KCNT2: variants seen among roughly 807,000 people sequenced by gnomAD.
KCNT2 encodes the protein potassium channel subfamily T member 2.
A neutral mutation model predicts 153.8 loss-of-function variants in KCNT2; 67 were observed. That is an observed-to-expected ratio of 0.44 (90% CI 0.36 to 0.53). The LOEUF (loss-of-function observed/expected upper bound fraction) is 0.53. Ranked by LOEUF, KCNT2 falls within the 20% of genes least tolerant of loss-of-function variation. KCNT2 has a pLI of 0.00. For synonymous variants in KCNT2, 500 were observed against 458.8 expected (o/e 1.09, Z -1.15); for missense variants, 975 against 1,354.8 (o/e 0.72, Z 4.40).
intron 12 of KCNT2, among the ~76,000 whole-genome samples, chr1:196,406,686 GC>G (rs1419841593): frequency 2.0e-5 from 3 of 151,180 alleles, no homozygotes; most frequent in Non-Finnish European, 3.0e-5. Flanking sequence ...TTGTCCTCCT[GC>G]CAAGTTTCAG....
chr1:196,450,701 T>A (rs1572497145), intron 8 of KCNT2, among the ~76,000 whole-genome samples: 1 of 152,002 alleles, frequency 6.6e-6, no homozygotes, highest in South Asian at 2.1e-4. Flanking sequence ...ATAACCTCTT[T>A]CCTGGAGTCC....
chr1:196,364,450 G>T (rs1667878661), intron 14 of KCNT2, among the ~76,000 whole-genome samples: 4 of 152,038 alleles, frequency 2.6e-5, no homozygotes. Flanking sequence ...TTTTTATACA[G>T]CATACACACA....
intron 3 of KCNT2, 136 bp downstream of exon 3, chr1:196,489,702 G>A (rs1679713371): frequency 3.6e-6 from 2 of 554,138 alleles, no homozygotes; most frequent in Non-Finnish European, 6.5e-6. Flanking sequence ...CCTGTAAATC[G>A]ATCAATTTTA....
intron 13 of KCNT2, among the ~76,000 whole-genome samples, chr1:196,382,856 C>G (rs188114971): frequency 6.6e-6 from 1 of 151,970 alleles, no homozygotes; most frequent in East Asian, 1.9e-4. Flanking sequence ...TTTGAGCTGC[C>G]TGAACATGAG....
At chr1:196,273,455 A>C in intron 25 of KCNT2, 8 of 1,523,400 alleles carry the variant, frequency 5.3e-6, no homozygotes, top group Non-Finnish European at 7.0e-6. Context: ...GGAAACAAAC[A>C]GAAAATACTT....
chr1:196,369,140 A>T (rs1480437295), intron 14 of KCNT2, among the ~76,000 whole-genome samples: 2 of 152,148 alleles, frequency 1.3e-5, no homozygotes, highest in African/African-American at 4.8e-5. Flanking sequence ...TGTGAAAACA[A>T]ATTGAAAGAC....
At chr1:196,474,825 A>T (rs1158032992) in intron 5 of KCNT2, among the ~76,000 whole-genome samples, 1 of 152,212 alleles carries the variant, frequency 6.6e-6, no homozygotes, top group South Asian at 2.1e-4. Flanking sequence ...TGTTTTGCCA[A>T]CTAGCTATAA....
At chr1:196,343,044 G>A (rs1404884463) in intron 14 of KCNT2, 1 of 152,118 alleles carries the variant, frequency 6.6e-6, no homozygotes, top group Non-Finnish European at 1.5e-5. Flanking sequence ...AAACTCAGAA[G>A]GGGGCCCTCA....
At chr1:196,233,009 TTATC>T (rs1654092096) in intron 27 of KCNT2, among the ~76,000 whole-genome samples, 1 of 151,272 alleles carries the variant, frequency 6.6e-6, no homozygotes, top group African/African-American at 2.4e-5. Context: ...TTAATAAAAA[TTATC>T]TATACTTATG....
chr1:196,457,109 G>A (rs906374178), intron 8 of KCNT2, among the ~76,000 whole-genome samples: 2 of 151,848 alleles, frequency 1.3e-5, no homozygotes, highest in East Asian at 3.9e-4. Flanking sequence ...ACATTATTAT[G>A]TACTTTCTCA....
chr1:196,490,679 TA>T (rs1392204071), intron 2 of KCNT2, among the ~76,000 whole-genome samples: 2 of 151,744 alleles, frequency 1.3e-5, no homozygotes, highest in Non-Finnish European at 2.9e-5. Context: ...GCCATGTATG[TA>T]TCTTCTAAAC....
rs964909879 is a variant in KCNT2, at chr1:196,581,579, CA to C, written c.95+26635del. Among the ~76,000 whole-genome samples the C allele has an allele frequency of 2.2e-4, 33 of 151,926 alleles. 1 individual carries two copies. The highest frequency in any genetic ancestry group is 7.4e-5 in the Non-Finnish European group (5 of 67,972). ...AAGTTAACACAATACAAAGTCCTCT[CA>C]GTGGCCGACTCACTCTAGAGACATT... On this transcript the variant is annotated intron_variant, in intron 1 of 27. Transcript: ENST00000294725.
At chr1:196,325,884 G>A (rs890806363) in intron 19 of KCNT2, among the ~76,000 whole-genome samples, 15 of 152,140 alleles carry the variant, frequency 9.9e-5, no homozygotes, top group Admixed American at 7.9e-4. Flanking sequence ...GTACTGGGCA[G>A]ATGTCTCTCT....
chr1:196,493,120 G>A (rs558184177), intron 1 of KCNT2, among the ~76,000 whole-genome samples: 386 of 152,190 alleles, frequency 2.5e-3, no homozygotes, highest in African/African-American at 9.0e-3. Flanking sequence ...TAAGTGAAAA[G>A]AGAAATCTTG....
At chr1:196,486,514 T>C (rs187087736) in intron 3 of KCNT2, among the ~76,000 whole-genome samples, 541 of 152,056 alleles carry the variant, frequency 3.6e-3, no homozygotes, top group African/African-American at 0.013. Context: ...AGAACACTTA[T>C]GAACTGTCTT....
At position 196,258,381 on chromosome 1, in the gene KCNT2, G is replaced by A; in HGVS notation, c.3024C>T (p.Pro1008=). The change falls in exon 26 of 28, where the codon CCC becomes CCT. Residue 1008 remains proline (P), a synonymous_variant. Transcript: ENST00000294725. The stretch of plus-strand genomic sequence containing the variant: ...ACTGCATGCTTTTTCTCCGCAGCAA[G>A]GGATGGTCCGACTGATCACTGGATG... ...NSTSSDQSDH[P]LLRRKSMQWA... 1.9e-6 allele frequency: 3 copies of A among 1,614,010 alleles called. No individual in the cohort carries two copies. Among genetic ancestry groups the A allele is most frequent in the Non-Finnish European group, 1.7e-6 (2 of 1,179,984 alleles).
intron 25 of KCNT2, among the ~76,000 whole-genome samples, chr1:196,261,019 ATG>A (rs1018654506): frequency 6.6e-6 from 1 of 151,528 alleles, no homozygotes; most frequent in Non-Finnish European, 1.5e-5. Flanking sequence ...TGGATATTGA[ATG>A]TGTGTGTGTG....
At chr1:196,261,530 C>A (rs1438423683) in intron 25 of KCNT2, among the ~76,000 whole-genome samples, 1 of 151,384 alleles carries the variant, frequency 6.6e-6, no homozygotes, top group Admixed American at 6.6e-5. Context: ...GAAAATAATA[C>A]GAAATAATTA....
intron 1 of KCNT2, among the ~76,000 whole-genome samples, chr1:196,527,278 T>C (rs904807582): frequency 1.3e-5 from 2 of 152,198 alleles, no homozygotes; most frequent in African/African-American, 4.8e-5. Flanking sequence ...TAAAAAGATG[T>C]ACCTCATAGA....
Sources: gnomAD v4.1 joint callset for allele counts (sites outside exome capture counted in the v4.1 genomes callset) on GRCh38, gnomAD v4.1.1 for gene constraint, MANE v1.5 for transcripts, NCBI Gene and HGNC (gene_info 2026-07-23, HGNC 2026-07-21) for gene names.